CHD9: variants seen among roughly 807,000 people sequenced by gnomAD.
The protein encoded by CHD9 is chromodomain helicase DNA binding protein 9.
CHD9 carries 77 observed loss-of-function variants against 316.1 expected under a neutral mutation model. The ratio of observed to expected loss-of-function variants is 0.24; its 90% CI spans 0.20 to 0.29. The LOEUF (loss-of-function observed/expected upper bound fraction) is 0.29. Ranked by LOEUF, CHD9 falls within the 10% of genes least tolerant of loss-of-function variation. The probability of loss-of-function intolerance (pLI) is 1.00; values close to 1 mark genes in which losing one functional copy is unlikely to be tolerated. For missense variants in CHD9, 2,763 were observed against 3,438.1 expected (o/e 0.80, Z 4.91); for synonymous variants, 1,129 against 1,158.3 (o/e 0.97, Z 0.51).
intron 37 of CHD9, chr16:53,319,886 A>G (rs1011241339): frequency 8.9e-7 from 1 of 1,123,914 alleles, no homozygotes; most frequent in Non-Finnish European, 1.1e-6. Flanking sequence ...GAGGGCCTCC[A>G]TTTTCAATAG....
chr16:53,273,297 T>C (rs570069072), intron 22 of CHD9, among the ~76,000 whole-genome samples: 1 of 152,292 alleles, frequency 6.6e-6, no homozygotes, highest in Admixed American at 6.5e-5. Flanking sequence ...ACATATCTTT[T>C]AGTATCTAGG....
chr16:53,129,601 A>T (rs1004749511), intron 1 of CHD9, among the ~76,000 whole-genome samples: 3 of 152,266 alleles, frequency 2.0e-5, no homozygotes, highest in Non-Finnish European at 4.4e-5. Context: ...AGGCATAAAC[A>T]AGCGCAGTGT....
intron 2 of CHD9, among the ~76,000 whole-genome samples, chr16:53,199,978 G>A (rs1052708258): frequency 6.6e-6 from 1 of 152,008 alleles, no homozygotes; most frequent in African/African-American, 2.4e-5. Flanking sequence ...GCTCATGCCT[G>A]TAATCCTAGC....
intron 1 of CHD9, among the ~76,000 whole-genome samples, chr16:53,133,451 AAAAAAT>A (rs2039482467): frequency 6.6e-6 from 1 of 152,158 alleles, no homozygotes; most frequent in African/African-American, 2.4e-5. Context: ...ATTAAGAAAA[AAAAAAT>A]TATGATGCTT....
In CHD9 at chr16:53,156,937, C is replaced by T. The variant is rs1428263687; in HGVS notation, c.848C>T (p.Pro283Leu). 8 of 1,613,430 alleles carry T rather than the reference C, an allele frequency of 5.0e-6. No homozygotes were observed. The highest frequency in any genetic ancestry group is 1.1e-5 in the South Asian group (1 of 91,076). ...TCCTTTTCCAGTAATCATATATCAC[C>T]AAACAGTCTACTTCAGTCCTCTGCA... is the stretch of plus-strand genomic sequence containing the variant. Reference protein sequence around the residue: ...HYSFSSNHISPNSLLQSSAVL... With the variant: ...HYSFSSNHISLNSLLQSSAVL... Residue 283 changes from proline (P) to leucine (L), a missense_variant, in exon 2 of 39, where the codon CCA becomes CTA. Transcript: ENST00000447540.
intron 1 of CHD9, among the ~76,000 whole-genome samples, chr16:53,131,654 G>A (rs557666276): frequency 6.6e-6 from 1 of 152,152 alleles, no homozygotes; most frequent in East Asian, 1.9e-4. Flanking sequence ...GCGAGGTCGG[G>A]GCCTCCCCCG....
At chr16:53,186,126 G>A (rs1046617907) in intron 2 of CHD9, among the ~76,000 whole-genome samples, 3 of 152,156 alleles carry the variant, frequency 2.0e-5, no homozygotes, top group East Asian at 1.9e-4. Context: ...TGCACTGTAC[G>A]CCTGGGAAAA....
intron 17 of CHD9, 142 bp from the exon 18 acceptor site, chr16:53,254,296 C>T (rs867220961): frequency 2.1e-6 from 1 of 480,182 alleles, no homozygotes; most frequent in Middle Eastern, 5.3e-4. Context: ...GTAAGCTCTC[C>T]CTTAATTTCT....
intron 10 of CHD9, 131 bp downstream of exon 10, chr16:53,231,915 T>C: frequency 1.2e-6 from 1 of 862,722 alleles, no homozygotes; most frequent in Non-Finnish European, 1.7e-6. Context: ...GAGTCTAGTT[T>C]TGGGAGCCAA....
chr16:53,318,477 C>A, intron 37 of CHD9, 137 bp downstream of exon 37: 1 of 655,692 alleles, frequency 1.5e-6, no homozygotes, highest in African/African-American at 1.8e-5. Flanking sequence ...TGAGGGAAGA[C>A]ATGCAGTATA....
At chr16:53,064,347 C>G (rs925897099) in intron 1 of CHD9, among the ~76,000 whole-genome samples, 2 of 152,206 alleles carry the variant, frequency 1.3e-5, no homozygotes, top group Non-Finnish European at 1.5e-5. Flanking sequence ...CTTGTTTCTT[C>G]AGCAGAACCT....
chr16:53,066,246 T>TA (rs1485316247), intron 1 of CHD9, among the ~76,000 whole-genome samples: 1 of 152,136 alleles, frequency 6.6e-6, no homozygotes, highest in Non-Finnish European at 1.5e-5. Flanking sequence ...TTACTACTGT[T>TA]ATCACTCAGT....
intron 1 of CHD9, among the ~76,000 whole-genome samples, chr16:53,079,053 A>C (rs374006899): frequency 6.6e-6 from 1 of 152,212 alleles, no homozygotes; most frequent in Non-Finnish European, 1.5e-5. Flanking sequence ...AGGTTGGTTC[A>C]GCAAGATTTG....
Position 53,267,433 on chromosome 16 carries a change from C to A in CHD9, c.4460C>A (p.Ser1487Tyr). 1 of 1,611,636 alleles carries A rather than the reference C, an allele frequency of 6.2e-7. No homozygotes were observed. The highest frequency in any genetic ancestry group is 8.5e-7 in the Non-Finnish European group (1 of 1,178,606). The change falls in exon 21 of 39, where the codon TCC (serine) becomes TAC (tyrosine). Residue 1487 changes from serine to tyrosine, a missense_variant. Ser to Tyr is a moderately radical substitution (Grantham distance 144). Coordinates refer to ENST00000447540, the MANE Select transcript of CHD9 (RefSeq NM_001308319.2). ...KPKLRRPCDR[S>Y]NGYGRTECFR... ...AAACTCCGGAGACCCTGTGACCGTT[C>A]CAATGGCTATGGAAGAACTGAATGC... is the stretch of plus-strand genomic sequence containing the variant.
chr16:53,318,583 A>G (rs770485613), intron 37 of CHD9, among the ~76,000 whole-genome samples: 13 of 152,254 alleles, frequency 8.5e-5, no homozygotes, highest in Admixed American at 4.6e-4. Flanking sequence ...GTGCCATTGC[A>G]CATGATTGTA....
chr16:53,276,970 A>C (rs999856895), intron 24 of CHD9, among the ~76,000 whole-genome samples: 2 of 152,164 alleles, frequency 1.3e-5, no homozygotes, highest in African/African-American at 4.8e-5. Flanking sequence ...CCAGGCTACT[A>C]TGAATACCTT....
chr16:53,089,347 G>T (rs893111975), intron 1 of CHD9, among the ~76,000 whole-genome samples: 8 of 152,200 alleles, frequency 5.3e-5, no homozygotes, highest in Non-Finnish European at 7.3e-5. Flanking sequence ...AAAACTGAAG[G>T]TGCTTGCTAT....
At chr16:53,217,874 G>C (rs1263283818) in intron 3 of CHD9, among the ~76,000 whole-genome samples, 1 of 151,174 alleles carries the variant, frequency 6.6e-6, no homozygotes, top group Non-Finnish European at 1.5e-5. Context: ...CAAGTAGCTA[G>C]AACTACGGGT....
intron 3 of CHD9, among the ~76,000 whole-genome samples, chr16:53,213,313 C>G (rs951639721): frequency 6.6e-6 from 1 of 152,138 alleles, no homozygotes; most frequent in Admixed American, 6.5e-5. Flanking sequence ...GTGAGGTAGG[C>G]CTGGAAAACT....
Sources: gnomAD v4.1 joint callset for allele counts (sites outside exome capture counted in the v4.1 genomes callset) on GRCh38, gnomAD v4.1.1 for gene constraint, MANE v1.5 for transcripts, NCBI Gene and HGNC (gene_info 2026-07-23, HGNC 2026-07-21) for gene names.